Variants in R3HDM1 observed in about 807,000 individuals in gnomAD.
The protein encoded by R3HDM1 is R3H domain-containing protein 1.
R3HDM1 carries 46 observed loss-of-function variants against 141.1 expected under a neutral mutation model. The observed-to-expected ratio is 0.33, with a 90% CI of 0.26 to 0.42. R3HDM1 has a LOEUF of 0.42. R3HDM1 is among the 10% of genes least tolerant of loss of function. The pLI is 1.00. For missense variants in R3HDM1, 1,184 were observed against 1,368.3 expected, an observed-to-expected ratio of 0.87 and a Z score of 2.12; for synonymous variants, 435 against 472.9, an observed-to-expected ratio of 0.92 and a Z score of 1.04.
chr2:135,684,297 G>A lies in R3HDM1; in HGVS notation c.2459+3973G>A, dbSNP rs578124061. Among the ~76,000 whole-genome samples the A allele has an allele frequency of 2.0e-5, 3 of 152,216 alleles. No individual in the cohort carries two copies. In the East Asian group the frequency reaches 5.8e-4, roughly 29 times the overall value. On this transcript the variant is annotated intron_variant, in intron 21 of 26. Transcript: ENST00000683871. Reference sequence around the variant, plus strand: ...GTAGAGATGAGGTTTCACCATGTTAGCCAGGATGGTCTCAATCTCCTGACC... The same window carrying A: ...GTAGAGATGAGGTTTCACCATGTTAACCAGGATGGTCTCAATCTCCTGACC...
chr2:135,706,859 T>C (rs2074994681), intron 21 of R3HDM1, among the ~76,000 whole-genome samples: 1 of 152,156 alleles, frequency 6.6e-6, no homozygotes, highest in African/African-American at 2.4e-5. Flanking sequence ...AAACCGCCAT[T>C]GTCATCATGG....
At chr2:135,545,283 T>C (rs1428845360) in intron 1 of R3HDM1, among the ~76,000 whole-genome samples, 3 of 152,204 alleles carry the variant, frequency 2.0e-5, no homozygotes, top group African/African-American at 4.8e-5. Flanking sequence ...CTTGCCCTTA[T>C]GGATTTTATT....
chr2:135,641,146 G>A (rs1433793563), intron 14 of R3HDM1, among the ~76,000 whole-genome samples: 1 of 151,872 alleles, frequency 6.6e-6, no homozygotes, highest in Non-Finnish European at 1.5e-5. Context: ...AAAGATTTTG[G>A]GCATTTTGCT....
At chr2:135,562,601 A>C (rs1702002513) in intron 1 of R3HDM1, among the ~76,000 whole-genome samples, 1 of 152,160 alleles carries the variant, frequency 6.6e-6, no homozygotes, top group Non-Finnish European at 1.5e-5. Context: ...AGACTTGAAA[A>C]ATCTTATCTC....
intron 2 of R3HDM1, among the ~76,000 whole-genome samples, chr2:135,603,491 T>C (rs566421556): frequency 1.2e-4 from 19 of 152,260 alleles, no homozygotes; most frequent in Non-Finnish European, 2.5e-4. Context: ...AGTAACATTT[T>C]AGCATACTTG....
chr2:135,589,698 T>C (rs1041509126), intron 1 of R3HDM1, among the ~76,000 whole-genome samples: 1 of 152,120 alleles, frequency 6.6e-6, no homozygotes, highest in Non-Finnish European at 1.5e-5. Flanking sequence ...ATAATAAATA[T>C]ATGTTTCCAC....
chr2:135,699,938 A>G (rs905511754), intron 21 of R3HDM1, among the ~76,000 whole-genome samples: 2 of 152,184 alleles, frequency 1.3e-5, no homozygotes, highest in African/African-American at 4.8e-5. Flanking sequence ...GTAGGCTAAA[A>G]CATATAGTTA....
chr2:135,619,966 G>C (rs142573604), intron 5 of R3HDM1, among the ~76,000 whole-genome samples: 1 of 152,240 alleles, frequency 6.6e-6, no homozygotes, highest in African/African-American at 2.4e-5. Flanking sequence ...TTGTGTATAA[G>C]AACTTCAGTG....
intron 1 of R3HDM1, among the ~76,000 whole-genome samples, chr2:135,594,444 G>T (rs947949547): frequency 2.0e-5 from 3 of 152,140 alleles, no homozygotes; most frequent in Non-Finnish European, 2.9e-5. Context: ...CTCAGTCAAA[G>T]AATTAGAGAT....
chr2:135,538,089 C>T (rs146893276), intron 1 of R3HDM1, among the ~76,000 whole-genome samples: 1 of 152,256 alleles, frequency 6.6e-6, no homozygotes, highest in Non-Finnish European at 1.5e-5. Context: ...TTACACAAAA[C>T]TACATGGTAT....
chr2:135,664,346 A>G (rs2067186369), intron 19 of R3HDM1, among the ~76,000 whole-genome samples: 1 of 152,272 alleles, frequency 6.6e-6, no homozygotes, highest in Non-Finnish European at 1.5e-5. Context: ...CACAGTGTCA[A>G]GAAGCATGTT....
chr2:135,546,779 C>G (rs986495654), intron 1 of R3HDM1, among the ~76,000 whole-genome samples: 14 of 152,314 alleles, frequency 9.2e-5, no homozygotes, highest in Admixed American at 5.9e-4. Context: ...TCAGGACATT[C>G]TCCTGCCTCA....
At chr2:135,642,571 G>C (rs1437271551) in intron 15 of R3HDM1, among the ~76,000 whole-genome samples, 1 of 152,104 alleles carries the variant, frequency 6.6e-6, no homozygotes, top group Non-Finnish European at 1.5e-5. Context: ...AAGAAGTCTT[G>C]ATCTCTTCAA....
chr2:135,602,672 T>G lies in R3HDM1; in HGVS notation c.-77T>G, dbSNP rs1165826863. The G allele has an allele frequency of 6.5e-7, 1 of 1,544,770 alleles. No homozygotes were observed. Among genetic ancestry groups the G allele is most frequent in the Non-Finnish European group, 8.7e-7 (1 of 1,145,268 alleles). ...CTTGGATTATTTTATTTTATTTTTG[T>G]GGGACACCACAATCCCAAATCCAAA... is the stretch of plus-strand genomic sequence containing the variant. On this transcript the variant is annotated 5_prime_UTR_variant, in exon 2 of 27. Coordinates refer to ENST00000683871, the MANE Select transcript of R3HDM1 (RefSeq NM_001378107.1).
intron 1 of R3HDM1, among the ~76,000 whole-genome samples, chr2:135,584,904 T>A (rs1224326980): frequency 6.6e-6 from 1 of 152,226 alleles, no homozygotes; most frequent in Non-Finnish European, 1.5e-5. Context: ...TAAGAAAAGC[T>A]GCCTTGAAAT....
chr2:135,709,057 A>G (rs1023954002), intron 21 of R3HDM1, among the ~76,000 whole-genome samples: 4 of 151,306 alleles, frequency 2.6e-5, no homozygotes, highest in African/African-American at 4.9e-5. Flanking sequence ...TTTGTTAACT[A>G]TGTCAGAACA....
chr2:135,553,704 G>A (rs1700219952), intron 1 of R3HDM1, among the ~76,000 whole-genome samples: 1 of 152,064 alleles, frequency 6.6e-6, no homozygotes, highest in Admixed American at 6.6e-5. Context: ...TTGTTTGTTT[G>A]TTTTTGAGAC....
chr2:135,552,503 G>A (rs1700019852), intron 1 of R3HDM1, among the ~76,000 whole-genome samples: 1 of 152,090 alleles, frequency 6.6e-6, no homozygotes, highest in Non-Finnish European at 1.5e-5. Context: ...GCCTAATCCA[G>A]AATTTAAATT....
At chr2:135,582,791 G>A (rs1223710699) in intron 1 of R3HDM1, among the ~76,000 whole-genome samples, 1 of 151,894 alleles carries the variant, frequency 6.6e-6, no homozygotes. Flanking sequence ...CTATATAATG[G>A]TCTCCTTCTG....
Sources: allele counts gnomAD v4.1 joint callset (sites outside exome capture counted in the v4.1 genomes callset), GRCh38; gene constraint gnomAD v4.1.1; transcripts MANE v1.5; gene names NCBI Gene and HGNC (gene_info 2026-07-23, HGNC 2026-07-21).